The following RCHY1 variants were observed in gnomAD, a reference collection of about 807,000 sequenced individuals.
RCHY1 encodes the protein ring finger and CHY zinc finger domain containing 1.
Under a neutral mutation model 41.6 loss-of-function variants are expected in RCHY1, and 21 were observed. The observed-to-expected ratio is 0.51, with a 90% CI of 0.36 to 0.73. The LOEUF is 0.73. Ranked by LOEUF, RCHY1 falls within the 30% of genes least tolerant of loss-of-function variation. RCHY1 has a pLI of 0.00. For missense variants in RCHY1, 265 were observed against 325.3 expected (o/e 0.81, Z 1.43); for synonymous variants, 79 against 102.9 (o/e 0.77, Z 1.41).
intron 3 of RCHY1, among the ~76,000 whole-genome samples, chr4:75,500,145 A>G (rs1402333676): frequency 6.6e-6 from 1 of 152,212 alleles, no homozygotes; most frequent in Non-Finnish European, 1.5e-5. Flanking sequence ...TTTCTCAAAA[A>G]ACAATAAATA....
intron 3 of RCHY1, among the ~76,000 whole-genome samples, chr4:75,508,041 T>G (rs1724493966): frequency 6.6e-6 from 1 of 152,036 alleles, no homozygotes; most frequent in Non-Finnish European, 1.5e-5. Context: ...ATAATTTCTG[T>G]TATCTTTTGG....
Position 75,481,918 on chromosome 4 carries a change from A to C in RCHY1, c.*620T>G, listed in dbSNP as rs768913412. The C allele has an allele frequency of 6.6e-6, 1 of 152,168 alleles. No homozygotes were observed. Among genetic ancestry groups the C allele is most frequent in the Non-Finnish European group, 1.5e-5 (1 of 68,016 alleles). The allele number at this position is 152,168 out of a possible 1,614,324, so 9.4% of individuals were successfully genotyped here. A position where few individuals can be genotyped will look rare whatever the true frequency, so the allele number is the denominator to read the frequency against. ...CTACTTTTATGGAATACCTCAAAAGAAAGAAAATTTCTTTTACATTATAGA... is the reference window on the plus strand; with the variant it reads ...CTACTTTTATGGAATACCTCAAAAGCAAGAAAATTTCTTTTACATTATAGA... On this transcript the variant is annotated 3_prime_UTR_variant, in exon 9 of 9. Transcript: ENST00000324439.
chr4:75,487,466 T>C (rs1030367171), intron 8 of RCHY1, among the ~76,000 whole-genome samples: 1 of 133,360 alleles, frequency 7.5e-6, no homozygotes, highest in African/African-American at 2.7e-5. Context: ...GTCATATATA[T>C]ATTCACAATA....
chr4:75,492,955 C>A (rs1722883922), intron 4 of RCHY1, among the ~76,000 whole-genome samples: 2 of 151,974 alleles, frequency 1.3e-5, no homozygotes, highest in Admixed American at 1.3e-4. Context: ...TTTTAACATC[C>A]CCACAATTAC....
intron 3 of RCHY1, among the ~76,000 whole-genome samples, chr4:75,506,679 A>G (rs1486964587): frequency 1.3e-5 from 2 of 152,000 alleles, no homozygotes; most frequent in Non-Finnish European, 2.9e-5. Context: ...AAAAAGATCT[A>G]TGGGATGGAG....
At chr4:75,498,324 C>T (rs150459224) in intron 3 of RCHY1, among the ~76,000 whole-genome samples, 355 of 151,580 alleles carry the variant, frequency 2.3e-3, no homozygotes, top group African/African-American at 8.2e-3. Flanking sequence ...GAAGCCATGA[C>T]AAAAAGTTTC....
chr4:75,504,036 A>C (rs1365360660), intron 3 of RCHY1, among the ~76,000 whole-genome samples: 1 of 152,212 alleles, frequency 6.6e-6, no homozygotes, highest in African/African-American at 2.4e-5. Flanking sequence ...AAAGTTCTCA[A>C]ATGTATTTGA....
intron 3 of RCHY1, among the ~76,000 whole-genome samples, chr4:75,502,036 T>C (rs1723819043): frequency 6.6e-6 from 1 of 151,284 alleles, no homozygotes; most frequent in East Asian, 2.0e-4. Context: ...AGTGCCATTG[T>C]ACAACAGCCT....
chr4:75,508,241 C>T (rs1724521660), intron 3 of RCHY1, among the ~76,000 whole-genome samples: 1 of 152,064 alleles, frequency 6.6e-6, no homozygotes. Context: ...AACTCGGTGG[C>T]TTATTCACTG....
upstream of RCHY1, chr4:75,514,404 G>A (rs1367239902): frequency 1.3e-5 from 16 of 1,189,688 alleles, no homozygotes; most frequent in Non-Finnish European, 1.9e-5. Flanking sequence ...GCGACAATAT[G>A]GCTCCTAAGC....
intron 8 of RCHY1, among the ~76,000 whole-genome samples, chr4:75,488,053 CA>C (rs1448811070): frequency 1.3e-5 from 2 of 148,498 alleles, no homozygotes; most frequent in African/African-American, 4.9e-5. Flanking sequence ...CTGCGGTATT[CA>C]AAAGAGAAAA....
rs201278016 is a variant in RCHY1, at chr4:75,491,914, C to T, written c.425G>A (p.Arg142Gln). ...GRHKCIENVSRQNCPICLEDI... is the reference protein window; with the variant it reads ...GRHKCIENVSQQNCPICLEDI... The stretch of plus-strand genomic sequence containing the variant: ...CTCCAAACATATTGGACAATTCTGT[C>T]GGGACACATTTTCAATACACTGTTT... The change falls in exon 5 of 9, where the codon CGA becomes CAA. Residue 142 changes from arginine to glutamine, a missense_variant. Transcript: ENST00000324439. 6.7e-5 allele frequency: 108 copies of T among 1,606,840 alleles called. No homozygotes were observed. Among genetic ancestry groups the T allele is most frequent in the Non-Finnish European group, 8.7e-5 (102 of 1,177,340 alleles).
intron 3 of RCHY1, among the ~76,000 whole-genome samples, chr4:75,503,496 A>C (rs1310062031): frequency 6.6e-6 from 1 of 152,174 alleles, no homozygotes; most frequent in Admixed American, 6.5e-5. Flanking sequence ...GGAGATCAAG[A>C]CCATCCTGGC....
rs186230546 is a variant in RCHY1 at position 75,513,400 on chromosome 4, C to T, written c.90+797G>A. Among the ~76,000 whole-genome samples the T allele has an allele frequency of 1.4e-4, 21 of 152,232 alleles. No individual in the cohort carries two copies. The East Asian group carries it at 4.1e-3, about 29-fold the overall frequency. ...TATACACGCCCTTTAGTATATAATCCTCATACACTTTTATGAAACAGGCGC... is the reference window on the plus strand; with the variant it reads ...TATACACGCCCTTTAGTATATAATCTTCATACACTTTTATGAAACAGGCGC... On this transcript the variant is annotated intron_variant, in intron 1 of 8. Transcript: ENST00000324439.
At chr4:75,495,109 A>G (rs1383872487) in intron 3 of RCHY1, among the ~76,000 whole-genome samples, 1 of 151,924 alleles carries the variant, frequency 6.6e-6, no homozygotes, top group Non-Finnish European at 1.5e-5. Flanking sequence ...CACCAATATC[A>G]ATTTTTTATT....
rs1240690152 is a variant in RCHY1 at position 75,514,318 on chromosome 4, C to T, written c.-32G>A. The T allele has an allele frequency of 1.3e-6, 2 of 1,598,472 alleles. No homozygotes were observed. Among genetic ancestry groups the T allele is most frequent in the Non-Finnish European group, 1.7e-6 (2 of 1,168,296 alleles). ...CACCTCCCCTCACATTCCACCGATC[C>T]TTCCCCCAGGATAAAAACCACGCCC... On this transcript the variant is annotated 5_prime_UTR_variant, in exon 1 of 9. Transcript: ENST00000324439.
chr4:75,514,423 CG>C, upstream of RCHY1: 1 of 968,858 alleles, frequency 1.0e-6, no homozygotes, highest in Non-Finnish European at 1.5e-6. Flanking sequence ...GCACGTGACC[CG>C]GGGCAGACGG....
intron 8 of RCHY1, 49 bp from the exon 9 acceptor site, chr4:75,482,715 A>T: frequency 5.1e-6 from 7 of 1,375,198 alleles, no homozygotes; most frequent in Non-Finnish European, 7.0e-6. Flanking sequence ...TATAAATACA[A>T]GTAGCATTGT....
intron 1 of RCHY1, among the ~76,000 whole-genome samples, chr4:75,512,735 T>G (rs1200359284): frequency 6.6e-6 from 1 of 151,972 alleles, no homozygotes; most frequent in Non-Finnish European, 1.5e-5. Context: ...TTTCCTAAAT[T>G]CACTCTAATC....
Sources: allele counts gnomAD v4.1 joint callset (sites outside exome capture counted in the v4.1 genomes callset), GRCh38; gene constraint gnomAD v4.1.1; transcripts MANE v1.5; gene names NCBI Gene and HGNC (gene_info 2026-07-23, HGNC 2026-07-21).